LRP1B: variants seen among roughly 807,000 people sequenced by gnomAD.
LRP1B encodes LDL receptor related protein 1B, also known as low-density lipoprotein receptor-related protein 1B.
A neutral mutation model predicts 556.6 loss-of-function variants in LRP1B; 217 were observed. That is an observed-to-expected ratio of 0.39 (90% CI 0.35 to 0.44). The LOEUF (loss-of-function observed/expected upper bound fraction) is 0.44. Ranked by LOEUF, LRP1B falls within the 20% of genes least tolerant of loss-of-function variation. The pLI is 1.00. For missense variants in LRP1B, 5,053 were observed against 5,620.8 expected (o/e 0.90, Z 3.23); for synonymous variants, 2,047 against 1,865.8 (o/e 1.10, Z -2.50).
intron 3 of LRP1B, among the ~76,000 whole-genome samples, chr2:141,424,678 A>G (rs1680284401): frequency 6.6e-6 from 1 of 152,208 alleles, no homozygotes; most frequent in South Asian, 2.1e-4. Context: ...CTAGCACTAT[A>G]TTAATCTCAT....
intron 1 of LRP1B, among the ~76,000 whole-genome samples, chr2:142,073,525 G>A (rs1268699850): frequency 2.0e-5 from 3 of 151,998 alleles, no homozygotes; most frequent in African/African-American, 7.2e-5. Flanking sequence ...TATATGAAAA[G>A]TAGCTGCTTC....
intron 41 of LRP1B, among the ~76,000 whole-genome samples, chr2:140,608,065 A>G (rs1182246579): frequency 6.6e-6 from 1 of 151,898 alleles, no homozygotes; most frequent in Non-Finnish European, 1.5e-5. Flanking sequence ...TAAAAATTAA[A>G]CAAATTAAAA....
At chr2:142,095,806 A>C (rs1706341942) in intron 1 of LRP1B, among the ~76,000 whole-genome samples, 1 of 151,786 alleles carries the variant, frequency 6.6e-6, no homozygotes, top group Non-Finnish European at 1.5e-5. Flanking sequence ...TTTTACAAGG[A>C]GATTAGAAAA....
intron 1 of LRP1B, among the ~76,000 whole-genome samples, chr2:141,837,522 T>A (rs10165901): frequency 0.059 from 9,048 of 152,104 alleles, 892 homozygotes; most frequent in African/African-American, 0.2. Flanking sequence ...CTTGACCTTA[T>A]AAAAGGCTAG....
intron 23 of LRP1B, among the ~76,000 whole-genome samples, chr2:140,887,387 G>A (rs746072270): frequency 3.3e-5 from 5 of 152,170 alleles, no homozygotes; most frequent in Non-Finnish European, 1.5e-5. Flanking sequence ...TATGGTATGA[G>A]ATAGGTTCAG....
rs955893648 is a variant in LRP1B, at chr2:141,098,207, A to G, written c.1014-35934T>C. ...ACTTTCTATGGTCCTGATTCAAACTATATGGTATCTTTTAAATTGGTTGTA... is the reference window on the plus strand; with the variant it reads ...ACTTTCTATGGTCCTGATTCAAACTGTATGGTATCTTTTAAATTGGTTGTA... On this transcript the variant is annotated intron_variant, in intron 7 of 90. Transcript: ENST00000389484. Among the ~76,000 whole-genome samples the G allele has an allele frequency of 1.9e-4, 29 of 152,334 alleles. No individual in the cohort carries two copies. In the South Asian group the frequency reaches 3.1e-3, roughly 16 times the overall value.
intron 2 of LRP1B, among the ~76,000 whole-genome samples, chr2:141,804,528 CTT>C (rs959416193): frequency 1.3e-5 from 2 of 151,992 alleles, no homozygotes; most frequent in Admixed American, 6.6e-5. Context: ...TTATTTATAA[CTT>C]AACTTGAATT....
intron 1 of LRP1B, among the ~76,000 whole-genome samples, chr2:142,059,285 T>A (rs1057177727): frequency 4.6e-5 from 7 of 152,050 alleles, no homozygotes; most frequent in African/African-American, 1.7e-4. Flanking sequence ...AATGAGTGAA[T>A]TTTTTGGTAT....
At chr2:142,058,604 G>T (rs1704771329) in intron 1 of LRP1B, among the ~76,000 whole-genome samples, 1 of 151,850 alleles carries the variant, frequency 6.6e-6, no homozygotes, top group African/African-American at 2.4e-5. Context: ...TCTATGTGTG[G>T]CCCAAGACAA....
At position 140,297,992 on chromosome 2, in the gene LRP1B, A is replaced by T. The variant is rs747902408; in HGVS notation, c.12806-23T>A. On this transcript the variant is annotated intron_variant, in intron 83 of 90. Coordinates refer to ENST00000389484, the MANE Select transcript of LRP1B (RefSeq NM_018557.3). ...TCCCTATTGGAAACAATAAGTAATA[A>T]AAAGCAAATTATTCAACCAAAATAG... 3 of 1,558,752 alleles carry T rather than the reference A, an allele frequency of 1.9e-6. No individual in the cohort carries two copies. In the Admixed American group the frequency reaches 5.4e-5, roughly 28 times the overall value.
rs369634559 is a variant in LRP1B at position 140,297,836 on chromosome 2, C to G, written c.12939G>C (p.Pro4313=). 36 of 1,613,506 alleles carry G rather than the reference C, an allele frequency of 2.2e-5. No homozygotes were observed. In the South Asian group the frequency reaches 2.6e-4, roughly 12 times the overall value. The stretch of plus-strand genomic sequence containing the variant: ...ACTGACATCTGTCTCCGGTGTATTC[C>G]GGCTGGCAGTGGCAGTAAGGCTGGT... The part of the protein sequence containing the change: ...AGNQPYCHCQ[P]EYTGDRCQYY... The change falls in exon 84 of 91, where the codon CCG becomes CCC. Residue 4313 remains proline (P), a synonymous_variant. Transcript: ENST00000389484.
chr2:141,049,166 C>G lies in LRP1B; in HGVS notation c.1609G>C (p.Gly537Arg), dbSNP rs2105446147. The change falls in exon 11 of 91, where the codon GGA becomes CGA. Residue 537 changes from glycine to arginine, a missense_variant. Physicochemically the swap from Gly to Arg is moderately radical, Grantham distance 125 (BLOSUM62 -2). Transcript: ENST00000389484. ...YGKGRPGIVRGMDLNTKIADE... is the reference protein window; with the variant it reads ...YGKGRPGIVRRMDLNTKIADE... ...GCTATCTTGGTATTCAAGTCCATTC[C>G]TCTAACAATTCCTGGGCGTCCTTTC... is the stretch of plus-strand genomic sequence containing the variant. 1 of 1,613,542 alleles carries G rather than the reference C, an allele frequency of 6.2e-7. No homozygotes were observed. The highest frequency in any genetic ancestry group is 1.1e-5 in the South Asian group (1 of 91,070).
chr2:142,043,890 A>G (rs150119261), intron 1 of LRP1B, among the ~76,000 whole-genome samples: 112 of 151,900 alleles, frequency 7.4e-4, no homozygotes, highest in African/African-American at 2.5e-3. Flanking sequence ...AGAATACAAT[A>G]GGTGAGACAT....
intron 60 of LRP1B, among the ~76,000 whole-genome samples, chr2:140,470,166 G>T (rs949055321): frequency 8.5e-5 from 13 of 152,132 alleles, no homozygotes; most frequent in African/African-American, 2.9e-4. Flanking sequence ...TCATTAATTT[G>T]ATTAGTTTAC....
chr2:141,081,739 A>G (rs967756007), intron 7 of LRP1B, among the ~76,000 whole-genome samples: 1 of 152,196 alleles, frequency 6.6e-6, no homozygotes, highest in East Asian at 1.9e-4. Flanking sequence ...AGATACTGCT[A>G]AGAGGCACAG....
chr2:141,836,774 G>A (rs188271873), intron 1 of LRP1B, among the ~76,000 whole-genome samples: 15 of 151,970 alleles, frequency 9.9e-5, no homozygotes, highest in East Asian at 9.6e-4. Flanking sequence ...TATCTAAGCC[G>A]TTTGGTGAAA....
At chr2:140,748,731 A>G (rs1688442201) in intron 35 of LRP1B, among the ~76,000 whole-genome samples, 1 of 127,006 alleles carries the variant, frequency 7.9e-6, no homozygotes. Context: ...ATATATGAAT[A>G]TTATATGTAT....
At chr2:141,115,908 A>G in intron 7 of LRP1B, among the ~76,000 whole-genome samples, 1 of 152,202 alleles carries the variant, frequency 6.6e-6, no homozygotes, top group East Asian at 1.9e-4. Flanking sequence ...GTCTTCTTAC[A>G]TCCTAAAACA....
intron 3 of LRP1B, among the ~76,000 whole-genome samples, chr2:141,445,069 G>A (rs556659822): frequency 1.3e-5 from 2 of 152,112 alleles, no homozygotes; most frequent in Non-Finnish European, 2.9e-5. Flanking sequence ...GACTTGTTTT[G>A]GTTGGTAGGC....
Sources: allele counts gnomAD v4.1 joint callset (sites outside exome capture counted in the v4.1 genomes callset), GRCh38; gene constraint gnomAD v4.1.1; transcripts MANE v1.5; gene names NCBI Gene and HGNC (gene_info 2026-07-23, HGNC 2026-07-21).